The following HNRNPC variants were observed in gnomAD, a reference collection of about 807,000 sequenced individuals.
HNRNPC encodes heterogeneous nuclear ribonucleoprotein C, also known as heterogeneous nuclear ribonucleoproteins C1/C2.
A neutral mutation model predicts 33.2 loss-of-function variants in HNRNPC; 3 were observed. The ratio of observed to expected loss-of-function variants is 0.09; its 90% confidence interval spans 0.04 to 0.23. The LOEUF is 0.23. HNRNPC is among the 10% of genes least tolerant of loss of function. HNRNPC has a pLI of 1.00. For missense variants in HNRNPC, 143 were observed against 366.7 expected (o/e 0.39, Z 4.98); for synonymous variants, 121 against 126.7 (o/e 0.96, Z 0.30).
chr14:21,219,234 G>T (rs1892566269), intron 5 of HNRNPC, among the ~76,000 whole-genome samples: 1 of 152,030 alleles, frequency 6.6e-6, no homozygotes, highest in Admixed American at 6.5e-5. Flanking sequence ...TTAAGGAACA[G>T]ATATGATTGC....
At chr14:21,215,218 C>A (rs1284998742) in intron 5 of HNRNPC, among the ~76,000 whole-genome samples, 1 of 152,154 alleles carries the variant, frequency 6.6e-6, no homozygotes, top group African/African-American at 2.4e-5. Flanking sequence ...CAGAAATGGA[C>A]TCTCATTCAC....
At chr14:21,264,408 A>G (rs1878651267) in intron 1 of HNRNPC, 1 of 152,196 alleles carries the variant, frequency 6.6e-6, no homozygotes, top group Admixed American at 6.5e-5. Flanking sequence ...CTCACTGACA[A>G]AACGAAAATA....
At chr14:21,238,707 ATTTTTCTT>A (rs1256808107) in intron 2 of HNRNPC, among the ~76,000 whole-genome samples, 2 of 151,950 alleles carry the variant, frequency 1.3e-5, no homozygotes, top group African/African-American at 4.8e-5. Flanking sequence ...GGGGTCTAGA[ATTTTTCTT>A]TTTTTAATGC....
rs71112557 is a variant in HNRNPC at position 21,218,681 on chromosome 14, C to CAAAAAAAAAAAAAA, written c.366-5578_366-5565dup. Among the ~76,000 whole-genome samples, 7 of 51,254 alleles carry CAAAAAAAAAAAAAA rather than the reference C, an allele frequency of 1.4e-4. 1 individual carries two copies. Among genetic ancestry groups the CAAAAAAAAAAAAAA allele is most frequent in the South Asian group, 7.6e-4 (1 of 1,318 alleles). 33.6% of individuals were successfully genotyped at this position (51,254 alleles called of 152,430 possible). ...TGGGAGACAAAGCGAAACTCTCTCT[C>CAAAAAAAAAAAAAA]AAAAAAAAAAAAAAAAAAAAAAAAA... is the stretch of plus-strand genomic sequence containing the variant. On this transcript the variant is annotated intron_variant, in intron 5 of 8. Transcript: ENST00000553300.
chr14:21,213,245 A>G, intron 5 of HNRNPC, 128 bp from the exon 6 acceptor site: 2 of 977,534 alleles, frequency 2.0e-6, no homozygotes, highest in South Asian at 3.7e-5. Context: ...TTTCATTAAG[A>G]AGGCCAGCAA....
At position 21,233,840 on chromosome 14, in the gene HNRNPC, C is replaced by T. The variant is rs1449601905; in HGVS notation, c.241+113G>A. 21 of 1,294,776 alleles carry T rather than the reference C, an allele frequency of 1.6e-5. No homozygotes were observed. The South Asian group carries it at 2.2e-4, about 13-fold the overall frequency. 80.2% of individuals were successfully genotyped at this position (1,294,776 alleles called of 1,614,324 possible). A position where few individuals can be genotyped will look rare whatever the true frequency, so the allele number is the denominator to read the frequency against. ...ATGTATTTTTATTAGGCTAAACAGT[C>T]GCAATATCCAGAATATCTCATGCTG... is the stretch of plus-strand genomic sequence containing the variant. On this transcript the variant is annotated intron_variant, in intron 3 of 8. Transcript: ENST00000553300.
intron 5 of HNRNPC, among the ~76,000 whole-genome samples, chr14:21,229,621 A>AT (rs1446074398): frequency 6.6e-6 from 1 of 152,182 alleles, no homozygotes; most frequent in Non-Finnish European, 1.5e-5. Context: ...ACTTTATGGT[A>AT]TTTAACGGCT....
At chr14:21,236,814 T>C (rs1001838134) in intron 2 of HNRNPC, among the ~76,000 whole-genome samples, 2 of 152,148 alleles carry the variant, frequency 1.3e-5, no homozygotes, top group Admixed American at 6.5e-5. Flanking sequence ...AGAGTAGTTT[T>C]TGAATCTCTG....
intron 2 of HNRNPC, among the ~76,000 whole-genome samples, chr14:21,238,604 GTAA>G (rs1894996438): frequency 6.6e-6 from 1 of 152,090 alleles, no homozygotes; most frequent in Non-Finnish European, 1.5e-5. Flanking sequence ...AATCACATTA[GTAA>G]TAATAGTCCA....
At chr14:21,264,126 C>T (rs1878605425) in intron 1 of HNRNPC, 1 of 152,090 alleles carries the variant, frequency 6.6e-6, no homozygotes, top group Admixed American at 6.6e-5. Context: ...AAAGAAAATA[C>T]AGAAAAACCG....
chr14:21,235,236 T>A (rs957320548), intron 2 of HNRNPC, among the ~76,000 whole-genome samples: 1 of 152,156 alleles, frequency 6.6e-6, no homozygotes, highest in Non-Finnish European at 1.5e-5. Flanking sequence ...GAACAAGATT[T>A]AAAAACATTC....
intron 5 of HNRNPC, among the ~76,000 whole-genome samples, chr14:21,214,926 T>TA (rs1338587977): frequency 6.6e-6 from 1 of 152,156 alleles, no homozygotes; most frequent in Non-Finnish European, 1.5e-5. Flanking sequence ...CCAATGGAAA[T>TA]AAATATCTAA....
At chr14:21,218,672 ACT>A (rs1223033389) in intron 5 of HNRNPC, among the ~76,000 whole-genome samples, 5 of 97,852 alleles carry the variant, frequency 5.1e-5, no homozygotes, top group Admixed American at 2.9e-4. Context: ...ACAAAGCGAA[ACT>A]CTCTCTCAAA....
chr14:21,266,855 C>T (rs1440907805), intron 1 of HNRNPC, among the ~76,000 whole-genome samples: 28 of 151,838 alleles, frequency 1.8e-4, no homozygotes, highest in Admixed American at 1.7e-3. Flanking sequence ...CCTTGGGAGG[C>T]CAAGGCAGGA....
chr14:21,236,702 A>G (rs915096707), intron 2 of HNRNPC, among the ~76,000 whole-genome samples: 3 of 152,206 alleles, frequency 2.0e-5, no homozygotes, highest in African/African-American at 7.2e-5. Flanking sequence ...TCAAAATTTT[A>G]AAGTATCATA....
intron 2 of HNRNPC, among the ~76,000 whole-genome samples, chr14:21,252,370 G>A (rs1033726212): frequency 1.3e-5 from 2 of 152,142 alleles, no homozygotes; most frequent in Non-Finnish European, 1.5e-5. Flanking sequence ...GAGTGCAGTG[G>A]CAGTATCTTG....
intron 5 of HNRNPC, among the ~76,000 whole-genome samples, chr14:21,224,236 T>G (rs1261863279): frequency 6.6e-6 from 1 of 152,166 alleles, no homozygotes; most frequent in African/African-American, 2.4e-5. Flanking sequence ...TCAGGCTTTG[T>G]GTGCCCAGAA....
intron 2 of HNRNPC, among the ~76,000 whole-genome samples, chr14:21,246,895 T>C (rs929483201): frequency 2.0e-5 from 3 of 152,232 alleles, no homozygotes; most frequent in African/African-American, 7.2e-5. Flanking sequence ...AAAGTCAATA[T>C]ATCTTCTGCT....
At chr14:21,241,286 TAAC>T (rs1309753094) in intron 2 of HNRNPC, among the ~76,000 whole-genome samples, 10 of 139,640 alleles carry the variant, frequency 7.2e-5, no homozygotes, top group Admixed American at 5.7e-4. Flanking sequence ...ACCACAACCA[TAAC>T]AACAAAAAAA....
Sources: gnomAD v4.1 joint callset for allele counts (sites outside exome capture counted in the v4.1 genomes callset) on GRCh38, gnomAD v4.1.1 for gene constraint, MANE v1.5 for transcripts, NCBI Gene and HGNC (gene_info 2026-07-23, HGNC 2026-07-21) for gene names.